Variants in MTHFD1 observed in about 807,000 individuals in gnomAD.
MTHFD1 encodes the protein C-1-tetrahydrofolate synthase, cytoplasmic.
MTHFD1 carries 44 observed loss-of-function variants against 110.3 expected under a neutral mutation model. That is an observed-to-expected ratio of 0.40 (90% CI 0.31 to 0.51). The LOEUF (loss-of-function observed/expected upper bound fraction) is 0.51. MTHFD1 is among the 20% of genes least tolerant of loss of function. The pLI, the probability that MTHFD1 is intolerant of heterozygous loss-of-function variation, is 0.60. For synonymous variants in MTHFD1, 402 were observed against 428.8 expected (o/e 0.94, Z 0.77); for missense variants, 909 against 1,173.1 (o/e 0.77, Z 3.29).
intron 1 of MTHFD1, among the ~76,000 whole-genome samples, chr14:64,391,059 C>A (rs1050089397): frequency 2.0e-5 from 3 of 152,256 alleles, no homozygotes; most frequent in Non-Finnish European, 4.4e-5. Context: ...GGCAATGGCT[C>A]AACTAAAACT....
At chr14:64,440,442 A>C (rs1480995607) in intron 18 of MTHFD1, 176 bp downstream of exon 18, 17 of 776,964 alleles carry the variant, frequency 2.2e-5, no homozygotes, top group Non-Finnish European at 4.4e-6. Context: ...AAAGTACATC[A>C]GAGTGAATAA....
At chr14:64,446,543 T>C (rs1394832269) in intron 22 of MTHFD1, among the ~76,000 whole-genome samples, 1 of 152,140 alleles carries the variant, frequency 6.6e-6, no homozygotes, top group Non-Finnish European at 1.5e-5. Flanking sequence ...GTGGGTTTTT[T>C]TGTTTTGTTT....
intron 13 of MTHFD1, 62 bp from the exon 14 acceptor site, chr14:64,431,470 G>T: frequency 7.1e-7 from 1 of 1,402,724 alleles, no homozygotes; most frequent in South Asian, 1.2e-5. Flanking sequence ...CTTTGCAATA[G>T]AATGAAAGTT....
chr14:64,415,370 A>C lies in MTHFD1; in HGVS notation c.253A>C (p.Ile85Leu). ...TTTESEVMKY[I>L]TSLNEDSTVH... ...GTATTACTTTTAGGTGATGAAGTAC[A>C]TTACATCTTTGAATGAAGACTCTAC... is the stretch of plus-strand genomic sequence containing the variant. The change falls in exon 5 of 28, where the codon ATT becomes CTT. Residue 85 changes from isoleucine (I) to leucine (L), a missense_variant. Physicochemically the swap from Ile to Leu is conservative, Grantham distance 5. This residue lies in a region of MTHFD1 where 424 missense variants were observed against 510.4 expected (regional missense o/e 0.83). Coordinates refer to ENST00000652337, the MANE Select transcript of MTHFD1 (RefSeq NM_005956.4). The C allele has an allele frequency of 6.2e-7, 1 of 1,609,058 alleles. No individual in the cohort carries two copies. The highest frequency in any genetic ancestry group is 8.5e-7 in the Non-Finnish European group (1 of 1,175,346).
At chr14:64,418,476 A>T (rs1227480937) in intron 7 of MTHFD1, among the ~76,000 whole-genome samples, 4 of 150,322 alleles carry the variant, frequency 2.7e-5, no homozygotes, top group Admixed American at 1.3e-4. Context: ...TTAATTAATT[A>T]AAAAAAACAT....
Position 64,441,906 on chromosome 14 carries a change from C to T in MTHFD1, c.1885-148C>T, listed in dbSNP as rs1220204065. 4 of 702,034 alleles carry T rather than the reference C, an allele frequency of 5.7e-6. No individual in the cohort carries two copies. In the East Asian group the frequency reaches 8.1e-5, roughly 14 times the overall value. 43.5% of individuals were successfully genotyped at this position (702,034 alleles called of 1,614,324 possible). On this transcript the variant is annotated intron_variant, in intron 19 of 27. Transcript: ENST00000652337. ...TTCTTCCTCACACCTGTGACTGGGA[C>T]GTTACTGAAATAAAAGAGATGACTT...
chr14:64,439,894 C>CAA lies in MTHFD1; in HGVS notation c.1675-209_1675-208dup, dbSNP rs760527922. Among the ~76,000 whole-genome samples the CAA allele has an allele frequency of 3.8e-3, 214 of 56,236 alleles. 1 individual carries two copies. Among genetic ancestry groups the CAA allele is most frequent in the African/African-American group, 7.4e-3 (119 of 16,012 alleles). The allele number at this position is 56,236 out of a possible 152,430, so 36.9% of individuals were successfully genotyped here. On this transcript the variant is annotated intron_variant, in intron 17 of 27. Transcript: ENST00000652337. ...GGGCAACAGACCGAGACTCTGTCTC[C>CAA]AAAAAAAAAAAAAAAAAAAAAAAAT... is the stretch of plus-strand genomic sequence containing the variant.
At chr14:64,439,314 G>T (rs2078230485) in intron 17 of MTHFD1, 142 bp downstream of exon 17, 1 of 717,650 alleles carries the variant, frequency 1.4e-6, no homozygotes, top group Admixed American at 2.0e-5. Flanking sequence ...GTGAGTAGGT[G>T]TGTGGCATTG....
At chr14:64,429,779 T>A (rs2078144468) in intron 12 of MTHFD1, among the ~76,000 whole-genome samples, 1 of 152,222 alleles carries the variant, frequency 6.6e-6, no homozygotes, top group East Asian at 1.9e-4. Flanking sequence ...AACAGCCTAA[T>A]CTATTTATCT....
chr14:64,404,430 C>T (rs990498804), intron 2 of MTHFD1, among the ~76,000 whole-genome samples: 1 of 152,176 alleles, frequency 6.6e-6, no homozygotes, highest in Non-Finnish European at 1.5e-5. Context: ...AGGTCTCTAT[C>T]CAGTATTTCT....
At position 64,430,240 on chromosome 14, in the gene MTHFD1, T is replaced by C; in HGVS notation, c.1311+10T>C. 6.2e-7 allele frequency: 1 copy of C among 1,613,120 alleles called. No individual in the cohort carries two copies. Among genetic ancestry groups the C allele is most frequent in the Non-Finnish European group, 8.5e-7 (1 of 1,179,752 alleles). On this transcript the variant is annotated intron_variant, in intron 13 of 27. Transcript: ENST00000652337. Reference sequence around the variant, plus strand: ...CATTCCTATGGAAGAGGTAAAGTATTCTGGGATTTGGCTGAATTAGATCCC... The same window carrying C: ...CATTCCTATGGAAGAGGTAAAGTATCCTGGGATTTGGCTGAATTAGATCCC...
Position 64,454,767 on chromosome 14 carries a change from T to C in MTHFD1, c.2610T>C (p.Ser870=), listed in dbSNP as rs1228335687. ...TCTGCATGGCTAAAACACACTTGTC[T>C]TTGTCTCACAACCCAGAGCAAAAAG... ...LPICMAKTHL[S]LSHNPEQKGV... Residue 870 remains serine (S), a synonymous_variant, in exon 26 of 28, where the codon TCT becomes TCC. Transcript: ENST00000652337. 2 of 1,614,066 alleles carry C rather than the reference T, an allele frequency of 1.2e-6. No individual in the cohort carries two copies.
chr14:64,457,939 C>T (rs1271244357), intron 26 of MTHFD1: 3 of 550,284 alleles, frequency 5.5e-6, no homozygotes, highest in Non-Finnish European at 9.8e-6. Flanking sequence ...TGCTCTGTCG[C>T]CCAGGCAATC....
intron 2 of MTHFD1, among the ~76,000 whole-genome samples, chr14:64,405,923 A>G (rs1440849170): frequency 6.6e-6 from 1 of 151,952 alleles, no homozygotes; most frequent in African/African-American, 2.4e-5. Context: ...TAGGGATGAG[A>G]TCCAATTCTA....
intron 12 of MTHFD1, 35 bp from the exon 13 acceptor site, chr14:64,430,149 C>CT: frequency 1.9e-6 from 3 of 1,604,614 alleles, no homozygotes; most frequent in Non-Finnish European, 2.6e-6. Flanking sequence ...GAGAAGCATG[C>CT]TTAACTGAGC....
chr14:64,394,849 C>G (rs1490524102), intron 1 of MTHFD1, among the ~76,000 whole-genome samples: 1 of 152,152 alleles, frequency 6.6e-6, no homozygotes, highest in Non-Finnish European at 1.5e-5. Flanking sequence ...TTTCTCATTA[C>G]AAGCTCTTGG....
intron 19 of MTHFD1, chr14:64,441,836 C>G (rs2078251957): frequency 1.6e-6 from 1 of 623,216 alleles, no homozygotes; most frequent in African/African-American, 1.8e-5. Context: ...CACACTTAAC[C>G]TGGGTAGTCA....
At chr14:64,441,631 C>G in intron 19 of MTHFD1, 178 bp downstream of exon 19, 1 of 627,182 alleles carries the variant, frequency 1.6e-6, no homozygotes, top group Non-Finnish European at 2.9e-6. Context: ...ATGGTGAAAC[C>G]CCGTCTCTAC....
At chr14:64,437,208 GA>G (rs546315667) in intron 16 of MTHFD1, among the ~76,000 whole-genome samples, 67 of 149,008 alleles carry the variant, frequency 4.5e-4, no homozygotes, top group African/African-American at 1.4e-3. Flanking sequence ...AAAACATCTT[GA>G]AAAAAAAACC....
Sources: allele counts gnomAD v4.1 joint callset (sites outside exome capture counted in the v4.1 genomes callset), GRCh38; gene constraint gnomAD v4.1.1; regional missense constraint gnomAD v4.1.1; transcripts MANE v1.5; gene names NCBI Gene and HGNC (gene_info 2026-07-23, HGNC 2026-07-21).